TIMM29: variants seen among roughly 807,000 people sequenced by gnomAD.
TIMM29 encodes translocase of inner mitochondrial membrane 29.
TIMM29 carries 23 observed loss-of-function variants against 19.5 expected under a neutral mutation model. That is an observed-to-expected ratio of 1.18 (90% CI 0.85 to 1.67). TIMM29 has a LOEUF of 1.67. Ranked by LOEUF, TIMM29 falls within the 40% of genes most tolerant of loss-of-function variation. TIMM29 has a pLI of 0.00. For missense variants in TIMM29, 404 were observed against 384.7 expected, an observed-to-expected ratio of 1.05 and a Z score of -0.42; for synonymous variants, 209 against 185.0, an observed-to-expected ratio of 1.13 and a Z score of -1.05.
Position 10,928,883 on chromosome 19 carries a change from G to T in TIMM29, c.61G>T (p.Val21Leu). Residue 21 changes from valine (V) to leucine (L), a missense_variant, in exon 1 of 2, where the codon GTA becomes TTA. Val to Leu is a conservative substitution (Grantham distance 32). Transcript: ENST00000270502. ...GCGCCGCGCAGAGGCGGGCGACGCG[G>T]TAGTGGCGAAGCCGGGAGTGTGGGC... ...SRRRAEAGDA[V>L]VAKPGVWARL... 6.5e-7 allele frequency: 1 copy of T among 1,527,694 alleles called. No individual in the cohort carries two copies. The highest frequency in any genetic ancestry group is 8.7e-7 in the Non-Finnish European group (1 of 1,143,068). 94.6% of individuals were successfully genotyped at this position (1,527,694 alleles called of 1,614,324 possible).
Position 10,929,769 on chromosome 19 carries a change from C to A in TIMM29, c.*67C>A. 7.0e-7 allele frequency: 1 copy of A among 1,427,824 alleles called. No individual in the cohort carries two copies. Among genetic ancestry groups the A allele is most frequent in the Non-Finnish European group, 9.4e-7 (1 of 1,060,018 alleles). 88.4% of individuals were successfully genotyped at this position (1,427,824 alleles called of 1,614,324 possible). A position where few individuals can be genotyped will look rare whatever the true frequency, so the allele number is the denominator to read the frequency against. On this transcript the variant is annotated 3_prime_UTR_variant, in exon 2 of 2. Transcript: ENST00000270502. ...GTGGTGCAGTTCTGAGTGTGCCTCACCTGCAGAACAGCTGAGACAGATGAT... is the reference window on the plus strand; with the variant it reads ...GTGGTGCAGTTCTGAGTGTGCCTCAACTGCAGAACAGCTGAGACAGATGAT...
rs1316774575 is a variant in TIMM29 at position 10,928,995 on chromosome 19, C to A, written c.95-19C>A. On this transcript the variant is annotated intron_variant, in intron 1 of 1. Coordinates refer to ENST00000270502, the MANE Select transcript of TIMM29 (RefSeq NM_138358.4). ...GCCGCCGCGGCCGGATCACTCTTAC[C>A]GCGCTCCTCTCCCCTCAGGGTCCTG... 5 of 1,461,920 alleles carry A rather than the reference C, an allele frequency of 3.4e-6. No individual in the cohort carries two copies. In the South Asian group the frequency reaches 5.6e-5, roughly 16 times the overall value. 90.6% of individuals were successfully genotyped at this position (1,461,920 alleles called of 1,614,324 possible).
In TIMM29 at chr19:10,929,654, C is replaced by A; in HGVS notation, c.735C>A (p.Leu245=). 2 of 1,612,690 alleles carry A rather than the reference C, an allele frequency of 1.2e-6. No homozygotes were observed. Among genetic ancestry groups the A allele is most frequent in the South Asian group, 2.2e-5 (2 of 91,070 alleles). ...QVLQKEKKDR[L]ALSQAHSLVQ... is the part of the protein sequence containing the mutation. ...TGCAGAAGGAGAAGAAGGACAGGCTCGCCCTGAGCCAGGCCCACTCGCTGG... is the reference window on the plus strand; with the variant it reads ...TGCAGAAGGAGAAGAAGGACAGGCTAGCCCTGAGCCAGGCCCACTCGCTGG... Residue 245 remains leucine (L), a synonymous_variant, in exon 2 of 2, where the codon CTC becomes CTA. Transcript: ENST00000270502.
At position 10,929,308 on chromosome 19, in the gene TIMM29, G is replaced by T; in HGVS notation, c.389G>T (p.Cys130Phe). Reference protein sequence around the residue: ...GRLRYVNLGLCSLVYEAPFDA... With the variant: ...GRLRYVNLGLFSLVYEAPFDA... ...CTGCGCTACGTCAACCTGGGGCTCT[G>T]CTCGCTGGTGTACGAGGCGCCCTTC... The change falls in exon 2 of 2, where the codon TGC (cysteine) becomes TTC (phenylalanine). Residue 130 changes from cysteine to phenylalanine, a missense_variant. Coordinates refer to ENST00000270502, the MANE Select transcript of TIMM29 (RefSeq NM_138358.4). The T allele has an allele frequency of 6.5e-7, 1 of 1,548,914 alleles. No homozygotes were observed. Among genetic ancestry groups the T allele is most frequent in the Non-Finnish European group, 8.7e-7 (1 of 1,151,694 alleles).
Position 10,929,191 on chromosome 19 carries a change from CG to C in TIMM29, c.276del (p.Thr93ProfsTer155). ...TTCGAGGAGGCGCTGCTGGAGGCGTCGGGGACCCTCCTGCTGCTGGCGCCGG... is the reference window on the plus strand; with the variant it reads ...TTCGAGGAGGCGCTGCTGGAGGCGTCGGGACCCTCCTGCTGCTGGCGCCGG... ...GAFEEALLEA[S>X]GTLLLLAPAT... On this transcript the variant is annotated frameshift_variant, in exon 2 of 2. Transcript: ENST00000270502. LOFTEE classifies it high-confidence loss of function. 1 of 1,468,510 alleles carries C rather than the reference CG, an allele frequency of 6.8e-7. No individual in the cohort carries two copies. The highest frequency in any genetic ancestry group is 8.9e-7 in the Non-Finnish European group (1 of 1,118,386). The allele number at this position is 1,468,510 out of a possible 1,614,324, so 91.0% of individuals were successfully genotyped here.
chr19:10,928,988 C>T (rs1490745741), intron 1 of TIMM29, 26 bp from the exon 2 acceptor site: 3 of 1,462,852 alleles, frequency 2.1e-6, no homozygotes, highest in African/African-American at 1.5e-5. Context: ...GGCCGGATCA[C>T]TCTTACCGCG....
chr19:10,929,279 C>T lies in TIMM29; in HGVS notation c.360C>T (p.Gly120=). The part of the protein sequence containing the change: ...VQRLLWLRGR[G]RLRYVNLGLC... The stretch of plus-strand genomic sequence containing the variant: ...GGCTGCTCTGGCTGCGGGGCCGTGG[C>T]CGCCTGCGCTACGTCAACCTGGGGC... The change falls in exon 2 of 2, where the codon GGC becomes GGT. Residue 120 remains glycine, a synonymous_variant. Transcript: ENST00000270502. The T allele has an allele frequency of 6.5e-7, 1 of 1,539,026 alleles. No individual in the cohort carries two copies. The highest frequency in any genetic ancestry group is 8.7e-7 in the Non-Finnish European group (1 of 1,146,680).
Position 10,929,951 on chromosome 19 carries a change from G to A in TIMM29, c.*249G>A. 1 of 518,178 alleles carries A rather than the reference G, an allele frequency of 1.9e-6. No individual in the cohort carries two copies. Among genetic ancestry groups the A allele is most frequent in the Non-Finnish European group, 3.4e-6 (1 of 291,876 alleles). The allele number at this position is 518,178 out of a possible 1,614,324, so 32.1% of individuals were successfully genotyped here. A position where few individuals can be genotyped will look rare whatever the true frequency, so the allele number is the denominator to read the frequency against. On this transcript the variant is annotated 3_prime_UTR_variant, in exon 2 of 2. Transcript: ENST00000270502. ...CACATGTTCATCACTGGCAGAGCTG[G>A]TCATGAGCCTTTTATATAAGCCTTT...
In TIMM29 at chr19:10,929,286, C is replaced by T. The variant is rs1261245864; in HGVS notation, c.367C>T (p.Arg123Cys). The part of the protein sequence containing the change: ...LLWLRGRGRL[R>C]YVNLGLCSLV... ...CTGGCTGCGGGGCCGTGGCCGCCTGCGCTACGTCAACCTGGGGCTCTGCTC... is the reference window on the plus strand; with the variant it reads ...CTGGCTGCGGGGCCGTGGCCGCCTGTGCTACGTCAACCTGGGGCTCTGCTC... Residue 123 changes from arginine to cysteine, a missense_variant, in exon 2 of 2, where the codon CGC becomes TGC. Arg to Cys is a radical substitution (Grantham distance 180). Coordinates refer to ENST00000270502, the MANE Select transcript of TIMM29 (RefSeq NM_138358.4). 1.3e-6 allele frequency: 2 copies of T among 1,541,110 alleles called. No homozygotes were observed. Among genetic ancestry groups the T allele is most frequent in the Admixed American group, 3.9e-5 (2 of 51,110 alleles).
chr19:10,928,862 C>G lies in TIMM29; in HGVS notation c.40C>G (p.Arg14Gly). 2.0e-6 allele frequency: 3 copies of G among 1,527,152 alleles called. No homozygotes were observed. The highest frequency in any genetic ancestry group is 2.6e-6 in the Non-Finnish European group (3 of 1,142,474). The allele number at this position is 1,527,152 out of a possible 1,614,324, so 94.6% of individuals were successfully genotyped here. A position where few individuals can be genotyped will look rare whatever the true frequency, so the allele number is the denominator to read the frequency against. The change falls in exon 1 of 2, where the codon CGC becomes GGC. Residue 14 changes from arginine (R) to glycine (G), a missense_variant. Coordinates refer to ENST00000270502, the MANE Select transcript of TIMM29 (RefSeq NM_138358.4). ...AALRRFWSRRRAEAGDAVVAK... is the reference protein window; with the variant it reads ...AALRRFWSRRGAEAGDAVVAK... ...TCTGAGGAGATTTTGGTCCCGGCGC[C>G]GCGCAGAGGCGGGCGACGCGGTAGT...
chr19:10,928,995 C>G lies in TIMM29; in HGVS notation c.95-19C>G. The G allele has an allele frequency of 1.4e-6, 2 of 1,461,926 alleles. No homozygotes were observed. The highest frequency in any genetic ancestry group is 1.8e-6 in the Non-Finnish European group (2 of 1,122,246). 90.6% of individuals were successfully genotyped at this position (1,461,926 alleles called of 1,614,324 possible). On this transcript the variant is annotated intron_variant, in intron 1 of 1. Transcript: ENST00000270502. ...GCCGCCGCGGCCGGATCACTCTTAC[C>G]GCGCTCCTCTCCCCTCAGGGTCCTG... is the stretch of plus-strand genomic sequence containing the variant.
chr19:10,929,169 G>C lies in TIMM29; in HGVS notation c.250G>C (p.Glu84Gln). The C allele has an allele frequency of 2.7e-6, 4 of 1,455,660 alleles. No individual in the cohort carries two copies. Among genetic ancestry groups the C allele is most frequent in the African/African-American group, 1.5e-5 (1 of 68,216 alleles). 90.2% of individuals were successfully genotyped at this position (1,455,660 alleles called of 1,614,324 possible). Reference protein sequence around the residue: ...FTLAPSEGAFEEALLEASGTL... With the variant: ...FTLAPSEGAFQEALLEASGTL... The stretch of plus-strand genomic sequence containing the variant: ...GCTGGCGCCCAGCGAGGGTGCCTTC[G>C]AGGAGGCGCTGCTGGAGGCGTCGGG... Residue 84 changes from glutamate (E) to glutamine (Q), a missense_variant, in exon 2 of 2, where the codon GAG (glutamate) becomes CAG (glutamine). Transcript: ENST00000270502.
Position 10,929,161 on chromosome 19 carries a change from G to A in TIMM29, c.242G>A (p.Gly81Asp). The part of the protein sequence containing the change: ...AACFTLAPSE[G>D]AFEEALLEAS... ...TGCTTCACGCTGGCGCCCAGCGAGG[G>A]TGCCTTCGAGGAGGCGCTGCTGGAG... The change falls in exon 2 of 2, where the codon GGT becomes GAT. Residue 81 changes from glycine to aspartate, a missense_variant. Transcript: ENST00000270502. The A allele has an allele frequency of 3.4e-6, 5 of 1,455,218 alleles. No individual in the cohort carries two copies. The highest frequency in any genetic ancestry group is 4.5e-6 in the Non-Finnish European group (5 of 1,114,628). The allele number at this position is 1,455,218 out of a possible 1,614,324, so 90.1% of individuals were successfully genotyped here. A position where few individuals can be genotyped will look rare whatever the true frequency, so the allele number is the denominator to read the frequency against.
Position 10,928,813 on chromosome 19 carries a change from A to G in TIMM29, c.-10A>G. 1 of 1,528,262 alleles carries G rather than the reference A, an allele frequency of 6.5e-7. No individual in the cohort carries two copies. The highest frequency in any genetic ancestry group is 8.8e-7 in the Non-Finnish European group (1 of 1,140,224). 94.7% of individuals were successfully genotyped at this position (1,528,262 alleles called of 1,614,324 possible). The stretch of plus-strand genomic sequence containing the variant: ...TCTTCCCGGAGCAAGGACCCCCAAG[A>G]CGGAAGAGGATGGCCGCGGCGGCTC... On this transcript the variant is annotated 5_prime_UTR_variant, in exon 1 of 2. Coordinates refer to ENST00000270502, the MANE Select transcript of TIMM29 (RefSeq NM_138358.4).
Position 10,929,665 on chromosome 19 carries a change from A to G in TIMM29, c.746A>G (p.Gln249Arg), listed in dbSNP as rs1447005058. Residue 249 changes from glutamine to arginine, a missense_variant, in exon 2 of 2, where the codon CAG becomes CGG. Gln to Arg is a conservative substitution (Grantham distance 43). Coordinates refer to ENST00000270502, the MANE Select transcript of TIMM29 (RefSeq NM_138358.4). ...KEKKDRLALS[Q>R]AHSLVQAEAP... The stretch of plus-strand genomic sequence containing the variant: ...AAGAAGGACAGGCTCGCCCTGAGCC[A>G]GGCCCACTCGCTGGTGCAGGCGGAG... The G allele has an allele frequency of 2.5e-6, 4 of 1,611,600 alleles. No homozygotes were observed. The highest frequency in any genetic ancestry group is 3.4e-6 in the Non-Finnish European group (4 of 1,179,088).
In TIMM29 at chr19:10,928,993, AC is replaced by A; in HGVS notation, c.95-19del. The A allele has an allele frequency of 1.4e-6, 2 of 1,461,206 alleles. No individual in the cohort carries two copies. The highest frequency in any genetic ancestry group is 1.8e-6 in the Non-Finnish European group (2 of 1,121,866). 90.5% of individuals were successfully genotyped at this position (1,461,206 alleles called of 1,614,324 possible). A position where few individuals can be genotyped will look rare whatever the true frequency, so the allele number is the denominator to read the frequency against. On this transcript the variant is annotated intron_variant, in intron 1 of 1. Coordinates refer to ENST00000270502, the MANE Select transcript of TIMM29 (RefSeq NM_138358.4). Reference sequence around the variant, plus strand: ...TGGCCGCCGCGGCCGGATCACTCTTACCGCGCTCCTCTCCCCTCAGGGTCCT... The same window carrying A: ...TGGCCGCCGCGGCCGGATCACTCTTACGCGCTCCTCTCCCCTCAGGGTCCT...
In TIMM29 at chr19:10,928,835, GCT is replaced by G. The variant is rs769243494; in HGVS notation, c.16_17del (p.Leu6GlufsTer48). On this transcript the variant is annotated frameshift_variant, in exon 1 of 2. Transcript: ENST00000270502. LOFTEE classifies it high-confidence loss of function. MAAAALRRFWSRRRA... is the reference protein window; with the variant it reads MAAAXLRRFWSRRRA... ...AAGACGGAAGAGGATGGCCGCGGCG[GCT>G]CTGAGGAGATTTTGGTCCCGGCGCC... 6.5e-7 allele frequency: 1 copy of G among 1,526,922 alleles called. No homozygotes were observed. The highest frequency in any genetic ancestry group is 1.2e-5 in the South Asian group (1 of 82,630). The allele number at this position is 1,526,922 out of a possible 1,614,324, so 94.6% of individuals were successfully genotyped here. A position where few individuals can be genotyped will look rare whatever the true frequency, so the allele number is the denominator to read the frequency against.
rs1237915264 is a variant in TIMM29, at chr19:10,929,844, G to GC, written c.*148dup. ...TTGCACAAGTTTGGGGAGCCTTTCT[G>GC]CCCCCCGTCTTTGTTCTTTATTAGC... On this transcript the variant is annotated 3_prime_UTR_variant, in exon 2 of 2. Transcript: ENST00000270502. 5.3e-6 allele frequency: 5 copies of GC among 943,808 alleles called. No homozygotes were observed. The highest frequency in any genetic ancestry group is 2.7e-5 in the East Asian group (1 of 37,416). 58.5% of individuals were successfully genotyped at this position (943,808 alleles called of 1,614,324 possible).
chr19:10,928,836 C>A lies in TIMM29; in HGVS notation c.14C>A (p.Ala5Asp). Residue 5 changes from alanine to aspartate, a missense_variant, in exon 1 of 2, where the codon GCT becomes GAT. Physicochemically the swap from Ala to Asp is moderately radical, Grantham distance 126. Coordinates refer to ENST00000270502, the MANE Select transcript of TIMM29 (RefSeq NM_138358.4). MAAA[A>D]LRRFWSRRRA... ...AGACGGAAGAGGATGGCCGCGGCGG[C>A]TCTGAGGAGATTTTGGTCCCGGCGC... is the stretch of plus-strand genomic sequence containing the variant. 1 of 1,527,318 alleles carries A rather than the reference C, an allele frequency of 6.5e-7. No individual in the cohort carries two copies. The highest frequency in any genetic ancestry group is 2.1e-5 in the Admixed American group (1 of 46,700). The allele number at this position is 1,527,318 out of a possible 1,614,324, so 94.6% of individuals were successfully genotyped here.
Sources: gnomAD v4.1 joint callset for allele counts on GRCh38, gnomAD v4.1.1 for gene constraint, MANE v1.5 for transcripts, NCBI Gene and HGNC (gene_info 2026-07-23, HGNC 2026-07-21) for gene names.